KCTD8: variants seen among roughly 807,000 people sequenced by gnomAD.
The protein encoded by KCTD8 is potassium channel tetramerization domain containing 8.
Under a neutral mutation model 31.5 loss-of-function variants are expected in KCTD8, and 27 were observed. The observed-to-expected ratio is 0.86, with a 90% CI of 0.63 to 1.18. KCTD8 has a LOEUF of 1.18. Ranked by LOEUF, KCTD8 falls within the 50% of genes most tolerant of loss-of-function variation. KCTD8 has a pLI of 0.00. For missense variants in KCTD8, 658 were observed against 647.7 expected (o/e 1.02, Z -0.17); for synonymous variants, 290 against 280.0 (o/e 1.04, Z -0.36).
chr4:44,372,268 T>C (rs2109437118), intron 1 of KCTD8, among the ~76,000 whole-genome samples: 1 of 152,202 alleles, frequency 6.6e-6, no homozygotes, highest in Middle Eastern at 3.4e-3. Flanking sequence ...GTGAACAGTG[T>C]GTCACTCACT....
chr4:44,326,117 T>G (rs1194575422), intron 1 of KCTD8, among the ~76,000 whole-genome samples: 2 of 151,946 alleles, frequency 1.3e-5, no homozygotes, highest in Non-Finnish European at 2.9e-5. Context: ...CACAACCTTG[T>G]GTTTTTTCAT....
At chr4:44,192,795 C>G (rs1713805229) in intron 1 of KCTD8, among the ~76,000 whole-genome samples, 1 of 152,176 alleles carries the variant, frequency 6.6e-6, no homozygotes, top group African/African-American at 2.4e-5. Context: ...TGGGCATCAT[C>G]TAATCAGCTG....
Position 44,175,086 on chromosome 4 carries a change from C to T in KCTD8, c.1126G>A (p.Ala376Thr), listed in dbSNP as rs767612608. 4 of 1,613,906 alleles carry T rather than the reference C, an allele frequency of 2.5e-6. No homozygotes were observed. In the Admixed American group the frequency reaches 6.7e-5, roughly 27 times the overall value. The change falls in exon 2 of 2, where the codon GCC (alanine) becomes ACC (threonine). Residue 376 changes from alanine to threonine, a missense_variant. Coordinates refer to ENST00000360029, the MANE Select transcript of KCTD8 (RefSeq NM_198353.3). ...GGTTGGTGAGCTGTTGCCTGCTGGG[C>T]ACTGGATGGGTTGTCCTGGGGAGTG... ...ASTPQDNPSS[A>T]QQATAHQPNT...
At chr4:44,268,243 G>A (rs531093176) in intron 1 of KCTD8, among the ~76,000 whole-genome samples, 1 of 151,012 alleles carries the variant, frequency 6.6e-6, no homozygotes, top group African/African-American at 2.4e-5. Flanking sequence ...TTCAATATAT[G>A]CAAATCAATA....
intron 1 of KCTD8, among the ~76,000 whole-genome samples, chr4:44,273,828 A>G (rs1219573163): frequency 6.6e-6 from 1 of 151,988 alleles, no homozygotes; most frequent in East Asian, 1.9e-4. Flanking sequence ...GATAATGTAC[A>G]TTATAATTAT....
intron 1 of KCTD8, among the ~76,000 whole-genome samples, chr4:44,398,817 CTATT>C (rs1720574803): frequency 2.0e-5 from 3 of 152,226 alleles, no homozygotes; most frequent in African/African-American, 7.2e-5. Flanking sequence ...ACTGAGCACT[CTATT>C]TGTGGAGGAA....
intron 1 of KCTD8, among the ~76,000 whole-genome samples, chr4:44,276,116 A>G (rs183877746): frequency 6.6e-6 from 1 of 152,138 alleles, no homozygotes; most frequent in African/African-American, 2.4e-5. Context: ...AAAAAGGCAG[A>G]CACATTGTCT....
intron 1 of KCTD8, among the ~76,000 whole-genome samples, chr4:44,378,255 AT>A (rs1719968620): frequency 6.8e-6 from 1 of 147,536 alleles, no homozygotes; most frequent in Middle Eastern, 3.3e-3. Context: ...ATATATATAT[AT>A]ATCTCCATGT....
At chr4:44,222,578 C>T (rs1714838486) in intron 1 of KCTD8, among the ~76,000 whole-genome samples, 1 of 152,152 alleles carries the variant, frequency 6.6e-6, no homozygotes, top group African/African-American at 2.4e-5. Context: ...CCTGGTGTAC[C>T]TGAGTGCCTG....
At chr4:44,391,628 G>A (rs1022105176) in intron 1 of KCTD8, among the ~76,000 whole-genome samples, 7 of 151,514 alleles carry the variant, frequency 4.6e-5, no homozygotes, top group Non-Finnish European at 1.5e-5. Flanking sequence ...TAAAAACTAT[G>A]TGTTAATCAA....
At chr4:44,176,049 A>G (rs1713205200) in intron 1 of KCTD8, among the ~76,000 whole-genome samples, 1 of 152,070 alleles carries the variant, frequency 6.6e-6, no homozygotes, top group African/African-American at 2.4e-5. Context: ...ATTCTCCCTG[A>G]CTCCACTGTG....
At chr4:44,350,740 A>C (rs1719174407) in intron 1 of KCTD8, among the ~76,000 whole-genome samples, 5 of 152,218 alleles carry the variant, frequency 3.3e-5, no homozygotes. Context: ...CACCAATGTA[A>C]AATGGCATTT....
intron 1 of KCTD8, among the ~76,000 whole-genome samples, chr4:44,385,598 C>G (rs1720190095): frequency 6.6e-6 from 1 of 151,558 alleles, no homozygotes; most frequent in African/African-American, 2.4e-5. Flanking sequence ...CTTTAAAACT[C>G]TTACAACAAA....
chr4:44,273,972 T>C (rs1280068554), intron 1 of KCTD8, among the ~76,000 whole-genome samples: 1 of 151,934 alleles, frequency 6.6e-6, no homozygotes, highest in Non-Finnish European at 1.5e-5. Flanking sequence ...CTAACTGTTG[T>C]TTGAAATCAT....
At chr4:44,201,337 C>G (rs755858814) in intron 1 of KCTD8, among the ~76,000 whole-genome samples, 1 of 151,850 alleles carries the variant, frequency 6.6e-6, no homozygotes, top group African/African-American at 2.4e-5. Flanking sequence ...CAAAAAAGAG[C>G]CTAAATATCC....
At chr4:44,436,952 G>T (rs1167240662) in intron 1 of KCTD8, among the ~76,000 whole-genome samples, 1 of 151,932 alleles carries the variant, frequency 6.6e-6, no homozygotes, top group Admixed American at 6.6e-5. Flanking sequence ...AATTCACAGA[G>T]GCCATAAAAT....
intron 1 of KCTD8, among the ~76,000 whole-genome samples, chr4:44,390,295 C>A (rs1465998408): frequency 6.6e-6 from 1 of 151,970 alleles, no homozygotes; most frequent in African/African-American, 2.4e-5. Context: ...CTTCACCCAT[C>A]TTGAGTTGAT....
intron 1 of KCTD8, among the ~76,000 whole-genome samples, chr4:44,217,119 T>C (rs1236237252): frequency 6.6e-6 from 1 of 152,038 alleles, no homozygotes; most frequent in African/African-American, 2.4e-5. Context: ...CTATGCAGAG[T>C]AAAGTGAGTA....
At chr4:44,213,341 T>C (rs2109344544) in intron 1 of KCTD8, among the ~76,000 whole-genome samples, 1 of 152,348 alleles carries the variant, frequency 6.6e-6, no homozygotes, top group East Asian at 1.9e-4. Flanking sequence ...TTTTAGTCGG[T>C]ATGTAAATTT....
Sources: gnomAD v4.1 joint callset for allele counts (sites outside exome capture counted in the v4.1 genomes callset) on GRCh38, gnomAD v4.1.1 for gene constraint, MANE v1.5 for transcripts, NCBI Gene and HGNC (gene_info 2026-07-23, HGNC 2026-07-21) for gene names.